The following TSPEAR variants were observed in gnomAD, a reference collection of about 807,000 sequenced individuals.
TSPEAR encodes thrombospondin type laminin G domain and EAR repeats.
Under a neutral mutation model 71.6 loss-of-function variants are expected in TSPEAR, and 69 were observed. That is an observed-to-expected ratio of 0.96 (90% confidence interval 0.79 to 1.18). TSPEAR has a LOEUF of 1.18. Ranked by LOEUF, TSPEAR falls within the 50% of genes most tolerant of loss-of-function variation. TSPEAR has a pLI of 0.00. For synonymous variants in TSPEAR, 402 were observed against 387.2 expected (o/e 1.04, Z -0.45); for missense variants, 971 against 894.9 (o/e 1.09, Z -1.09).
intron 1 of TSPEAR, among the ~76,000 whole-genome samples, chr21:44,576,985 A>T (rs2146093328): frequency 6.6e-6 from 1 of 152,362 alleles, no homozygotes; most frequent in Non-Finnish European, 1.5e-5. Context: ...ATTAACAGAA[A>T]GACACTTAGA....
At chr21:44,621,257 G>C (rs587659481) in intron 1 of TSPEAR, among the ~76,000 whole-genome samples, 47 of 151,690 alleles carry the variant, frequency 3.1e-4, no homozygotes, top group African/African-American at 1.1e-3. Context: ...TTAAATTAGA[G>C]AGAATGGCTT....
intron 1 of TSPEAR, among the ~76,000 whole-genome samples, chr21:44,592,775 C>T (rs143723545): frequency 3.3e-5 from 5 of 152,130 alleles, no homozygotes; most frequent in African/African-American, 1.2e-4. Context: ...CCACAGGTCG[C>T]GGCATCGTCC....
intron 1 of TSPEAR, among the ~76,000 whole-genome samples, chr21:44,690,140 A>G (rs564962113): frequency 1.3e-5 from 2 of 152,286 alleles, no homozygotes. Flanking sequence ...AGGTTGAGAA[A>G]TCGCTCTGAT....
intron 2 of TSPEAR, chr21:44,551,340 G>A: frequency 6.2e-7 from 1 of 1,613,168 alleles, no homozygotes; most frequent in South Asian, 1.1e-5. Flanking sequence ...CAGGCAGGGG[G>A]CTGGGGCACA....
intron 1 of TSPEAR, among the ~76,000 whole-genome samples, chr21:44,685,872 A>G (rs1986834621): frequency 6.6e-6 from 1 of 152,232 alleles, no homozygotes; most frequent in Non-Finnish European, 1.5e-5. Context: ...GCACATCTGT[A>G]AAATGGGGTA....
Position 44,649,698 on chromosome 21 carries a change from A to G in TSPEAR, c.82+61735T>C, listed in dbSNP as rs587637709. ...CCTCCCTCCTTCTGCAATAGCTTCA[A>G]TGCCTGGATGGGAGCCAGGCCACCC... On this transcript the variant is annotated intron_variant, in intron 1 of 11. Coordinates refer to ENST00000323084, the MANE Select transcript of TSPEAR (RefSeq NM_144991.3). 8.5e-5 allele frequency among the ~76,000 whole-genome samples: 13 copies of G among 152,226 alleles called. No individual in the cohort carries two copies. The East Asian group carries it at 2.1e-3, about 25-fold the overall frequency.
intron 9 of TSPEAR, among the ~76,000 whole-genome samples, chr21:44,510,350 G>C (rs1189984284): frequency 6.6e-6 from 1 of 152,190 alleles, no homozygotes; most frequent in Non-Finnish European, 1.5e-5. Flanking sequence ...CCGTCCGGAG[G>C]GCCTTCTGCC....
At chr21:44,658,424 T>C in intron 1 of TSPEAR, 1 of 639,818 alleles carries the variant, frequency 1.6e-6, no homozygotes, top group South Asian at 2.0e-5. Flanking sequence ...GATTCAGACC[T>C]TCCATGACCC....
intron 1 of TSPEAR, among the ~76,000 whole-genome samples, chr21:44,708,202 G>C (rs1429357559): frequency 6.6e-6 from 1 of 152,128 alleles, no homozygotes; most frequent in Non-Finnish European, 1.5e-5. Context: ...CAGCAGGGGG[G>C]ACTGCAGGCT....
At chr21:44,574,975 G>A in intron 1 of TSPEAR, 2 of 1,612,024 alleles carry the variant, frequency 1.2e-6, no homozygotes, top group African/African-American at 2.7e-5. Context: ...CGCCCCGTGT[G>A]CTCCCGCCCA....
chr21:44,602,020 G>C, intron 1 of TSPEAR: 1 of 551,888 alleles, frequency 1.8e-6, no homozygotes, highest in Admixed American at 3.2e-5. Flanking sequence ...GGGGAGAAAT[G>C]AGGGTAGACA....
chr21:44,648,982 C>T (rs1555940851), intron 1 of TSPEAR, among the ~76,000 whole-genome samples: 1 of 152,262 alleles, frequency 6.6e-6, no homozygotes, highest in African/African-American at 2.4e-5. Flanking sequence ...GCTCCGAGTG[C>T]TCTGCCCCTC....
chr21:44,587,079 G>T (rs1462570810), intron 1 of TSPEAR, among the ~76,000 whole-genome samples: 1 of 152,120 alleles, frequency 6.6e-6, no homozygotes, highest in African/African-American at 2.4e-5. Flanking sequence ...CATCCAAATC[G>T]GTACAGAGGA....
chr21:44,679,228 C>G (rs115149882), intron 1 of TSPEAR, among the ~76,000 whole-genome samples: 4 of 152,230 alleles, frequency 2.6e-5, no homozygotes, highest in African/African-American at 9.6e-5. Flanking sequence ...TTTCTGTGGC[C>G]TCTCAGCTTC....
intron 1 of TSPEAR, chr21:44,592,619 C>T (rs1037084342): frequency 4.1e-5 from 57 of 1,374,354 alleles, no homozygotes; most frequent in African/African-American, 1.9e-4. Flanking sequence ...TGGAGTCTGC[C>T]GGGATTAGGG....
intron 1 of TSPEAR, among the ~76,000 whole-genome samples, chr21:44,589,065 T>C (rs116007581): frequency 0.01 from 1,546 of 152,244 alleles, 24 homozygotes; most frequent in African/African-American, 0.035. Context: ...ACTGCTCGAA[T>C]GATGGGTGCA....
chr21:44,607,272 G>A (rs1162891099), intron 1 of TSPEAR, among the ~76,000 whole-genome samples: 6 of 152,114 alleles, frequency 3.9e-5, no homozygotes, highest in African/African-American at 1.4e-4. Flanking sequence ...TAAAGACAGG[G>A]TTTCACCATG....
Position 44,527,334 on chromosome 21 carries a change from C to T in TSPEAR, c.1107G>A (p.Thr369=), listed in dbSNP as rs145868820. The change falls in exon 7 of 12, where the codon ACG becomes ACA. Residue 369 remains threonine, a synonymous_variant. Coordinates refer to ENST00000323084, the MANE Select transcript of TSPEAR (RefSeq NM_144991.3). The part of the protein sequence containing the change: ...EKFVSYQNIP[T]HQAQAWRHFT... The stretch of plus-strand genomic sequence containing the variant: ...AATGCCTCCAGGCCTGTGCTTGGTG[C>T]GTGGGGATGTTCTGATATGAGACGA... 863 of 1,614,028 alleles carry T rather than the reference C, an allele frequency of 5.3e-4. 2 individuals carry two copies. Among genetic ancestry groups the T allele is most frequent in the Non-Finnish European group, 6.9e-4 (809 of 1,180,052 alleles).
intron 1 of TSPEAR, among the ~76,000 whole-genome samples, chr21:44,629,291 T>C (rs1338582715): frequency 6.6e-6 from 1 of 152,246 alleles, no homozygotes; most frequent in South Asian, 2.1e-4. Flanking sequence ...GTCCACGGAC[T>C]GGGGGCTCGA....
Sources: allele counts gnomAD v4.1 joint callset (sites outside exome capture counted in the v4.1 genomes callset), GRCh38; gene constraint gnomAD v4.1.1; transcripts MANE v1.5; gene names NCBI Gene and HGNC (gene_info 2026-07-23, HGNC 2026-07-21).